Variants in TMTC1 observed in about 807,000 individuals in gnomAD.
TMTC1 encodes transmembrane O-mannosyltransferase targeting cadherins 1.
A neutral mutation model predicts 104.8 loss-of-function variants in TMTC1; 73 were observed. That is an observed-to-expected ratio of 0.70 (90% CI 0.58 to 0.85). The LOEUF (loss-of-function observed/expected upper bound fraction) is 0.85, where lower values mean the gene tolerates loss of function less well. Ranked by LOEUF, TMTC1 falls within the 40% of genes least tolerant of loss-of-function variation. The pLI is 0.00. For synonymous variants in TMTC1, 434 were observed against 428.7 expected, an observed-to-expected ratio of 1.01 and a Z score of -0.15; for missense variants, 1,035 against 1,096.1, an observed-to-expected ratio of 0.94 and a Z score of 0.79.
chr12:29,723,084 T>G (rs1942284263), intron 5 of TMTC1, among the ~76,000 whole-genome samples: 2 of 151,920 alleles, frequency 1.3e-5, no homozygotes, highest in Admixed American at 1.3e-4. Flanking sequence ...TTATAAGAGT[T>G]TCAAAAAATA....
chr12:29,771,573 G>A (rs764297350), intron 1 of TMTC1, among the ~76,000 whole-genome samples: 6 of 152,328 alleles, frequency 3.9e-5, no homozygotes, highest in African/African-American at 1.4e-4. Flanking sequence ...TAACAGCATA[G>A]TAGGAGCAGG....
chr12:29,729,683 T>C (rs543876605), intron 5 of TMTC1, among the ~76,000 whole-genome samples: 4 of 152,294 alleles, frequency 2.6e-5, no homozygotes, highest in South Asian at 4.1e-4. Flanking sequence ...AACAGTCCCT[T>C]TGTAGATAAT....
chr12:29,676,706 C>T (rs759888), intron 5 of TMTC1, among the ~76,000 whole-genome samples: 82,662 of 151,974 alleles, frequency 0.54, 22,708 homozygotes, highest in African/African-American at 0.63. Context: ...GCTAATTCCA[C>T]TAGGCAGGGG....
At chr12:29,545,222 C>T (rs914535303) in intron 10 of TMTC1, among the ~76,000 whole-genome samples, 3 of 151,952 alleles carry the variant, frequency 2.0e-5, no homozygotes, top group Admixed American at 6.6e-5. Context: ...CTTTCAAGTT[C>T]TTCTCTGGTC....
At chr12:29,632,676 G>T (rs1036705518) in intron 6 of TMTC1, among the ~76,000 whole-genome samples, 1 of 152,140 alleles carries the variant, frequency 6.6e-6, no homozygotes, top group Non-Finnish European at 1.5e-5. Context: ...GTATGATAAT[G>T]AACTAGTACA....
At chr12:29,510,023 T>G (rs1943790110) in intron 17 of TMTC1, among the ~76,000 whole-genome samples, 1 of 152,224 alleles carries the variant, frequency 6.6e-6, no homozygotes, top group Non-Finnish European at 1.5e-5. Context: ...GAAAACATAT[T>G]GAGCACATTG....
At chr12:29,700,489 C>T (rs12227932) in intron 5 of TMTC1, among the ~76,000 whole-genome samples, 4,121 of 152,120 alleles carry the variant, frequency 0.027, 303 homozygotes, top group East Asian at 0.25. Context: ...CATGAGCCAC[C>T]GCACCAGGCC....
At chr12:29,545,305 C>G (rs1038894596) in intron 10 of TMTC1, among the ~76,000 whole-genome samples, 8 of 152,178 alleles carry the variant, frequency 5.3e-5, no homozygotes, top group Non-Finnish European at 8.8e-5. Context: ...ATTCTTGCAG[C>G]TGGATAATTC....
intron 6 of TMTC1, among the ~76,000 whole-genome samples, chr12:29,605,352 T>C (rs1946670243): frequency 2.0e-5 from 3 of 152,010 alleles, no homozygotes; most frequent in Admixed American, 2.0e-4. Context: ...CTTGTCACCT[T>C]GATGTTATTA....
intron 5 of TMTC1, among the ~76,000 whole-genome samples, chr12:29,734,798 T>C (rs1183799875): frequency 6.6e-6 from 1 of 152,198 alleles, no homozygotes; most frequent in Non-Finnish European, 1.5e-5. Context: ...ACGGTAAATA[T>C]TTCCAGGAGG....
chr12:29,607,857 A>AT (rs1946744001), intron 6 of TMTC1, among the ~76,000 whole-genome samples: 1 of 152,118 alleles, frequency 6.6e-6, no homozygotes, highest in South Asian at 2.1e-4. Flanking sequence ...CCTGAAGTCC[A>AT]TTTTTTGGGC....
At chr12:29,688,124 T>TGG (rs1240126954) in intron 5 of TMTC1, among the ~76,000 whole-genome samples, 11 of 152,090 alleles carry the variant, frequency 7.2e-5, no homozygotes, top group Non-Finnish European at 1.0e-4. Context: ...CAGGGTACCC[T>TGG]GGGTTTCACG....
chr12:29,568,234 C>T (rs1945572133), intron 9 of TMTC1, among the ~76,000 whole-genome samples: 1 of 151,996 alleles, frequency 6.6e-6, no homozygotes, highest in Non-Finnish European at 1.5e-5. Context: ...AAGCACAATA[C>T]AAAATTTAGT....
chr12:29,649,521 G>C (rs1939421924), intron 5 of TMTC1, among the ~76,000 whole-genome samples: 1 of 152,190 alleles, frequency 6.6e-6, no homozygotes, highest in Admixed American at 6.5e-5. Context: ...GTCACCCCTG[G>C]CTTACGCCCT....
At chr12:29,708,264 C>A (rs1415418591) in intron 5 of TMTC1, among the ~76,000 whole-genome samples, 1 of 152,146 alleles carries the variant, frequency 6.6e-6, no homozygotes, top group African/African-American at 2.4e-5. Context: ...CTGTGCCTGG[C>A]ACAAGATTTT....
At chr12:29,572,524 G>C (rs936166028) in intron 8 of TMTC1, among the ~76,000 whole-genome samples, 2 of 152,198 alleles carry the variant, frequency 1.3e-5, no homozygotes, top group African/African-American at 4.8e-5. Context: ...CACAGCTGGA[G>C]TCTGGGTAAG....
At position 29,570,840 on chromosome 12, in the gene TMTC1, C is replaced by T. The variant is rs920899690; in HGVS notation, c.1532+1265G>A. 5.4e-5 allele frequency among the ~76,000 whole-genome samples: 8 copies of T among 147,372 alleles called. No homozygotes were observed. The South Asian group carries it at 8.8e-4, about 16-fold the overall frequency. ...GCCTGGGTGACAGAGCGAGAGACTC[C>T]GTCTCAAAACAAAACAAAACAAAAC... On this transcript the variant is annotated intron_variant, in intron 9 of 17. Transcript: ENST00000539277.
intron 6 of TMTC1, among the ~76,000 whole-genome samples, chr12:29,606,660 G>A (rs1043495553): frequency 6.6e-6 from 1 of 152,118 alleles, no homozygotes; most frequent in African/African-American, 2.4e-5. Flanking sequence ...AGAATTAAGA[G>A]TGCAGGTATA....
At chr12:29,646,138 T>A (rs536878112) in intron 5 of TMTC1, among the ~76,000 whole-genome samples, 2 of 152,308 alleles carry the variant, frequency 1.3e-5, no homozygotes, top group South Asian at 4.1e-4. Flanking sequence ...TGGTGTCTCA[T>A]GGAGAAGCAC....
Sources: allele counts gnomAD v4.1 joint callset (sites outside exome capture counted in the v4.1 genomes callset), GRCh38; gene constraint gnomAD v4.1.1; transcripts MANE v1.5; gene names NCBI Gene and HGNC (gene_info 2026-07-23, HGNC 2026-07-21).